Variants in EPHA5 observed in about 807,000 individuals in gnomAD.
EPHA5 encodes the protein ephrin type-A receptor 5.
In EPHA5, 60 loss-of-function variants were observed where a neutral mutation model predicts 105.0. The observed-to-expected ratio is 0.57, with a 90% CI of 0.46 to 0.71. The LOEUF is 0.71. Ranked by LOEUF, EPHA5 falls within the 30% of genes least tolerant of loss-of-function variation. EPHA5 has a pLI of 0.00. For missense variants in EPHA5, 1,218 were observed against 1,274.7 expected (o/e 0.96, Z 0.68); for synonymous variants, 513 against 449.1 (o/e 1.14, Z -1.80).
chr4:65,476,346 C>T (rs528031122), intron 5 of EPHA5, among the ~76,000 whole-genome samples: 1 of 150,974 alleles, frequency 6.6e-6, no homozygotes, highest in African/African-American at 2.4e-5. Context: ...GGTTCAGTCA[C>T]TTTCAATGGA....
intron 8 of EPHA5, among the ~76,000 whole-genome samples, chr4:65,397,019 T>G (rs540213856): frequency 1.2e-3 from 176 of 152,308 alleles, no homozygotes; most frequent in African/African-American, 4.0e-3. Flanking sequence ...ACCTGTTAAC[T>G]GCTACAAATG....
chr4:65,325,664 C>T lies in EPHA5; in HGVS notation c.2946-1445G>A, dbSNP rs149738927. The stretch of plus-strand genomic sequence containing the variant: ...AGTAAAATTAGCTTTGAAACAAAAT[C>T]ATTATTATTAATAATGGAATAGACT... On this transcript the variant is annotated intron_variant, in intron 16 of 16. Coordinates refer to ENST00000613740, the MANE Select transcript of EPHA5 (RefSeq NM_001281766.3). Among the ~76,000 whole-genome samples, 27 of 151,324 alleles carry T rather than the reference C, an allele frequency of 1.8e-4. No individual in the cohort carries two copies. In the East Asian group the frequency reaches 5.3e-3, roughly 30 times the overall value.
At chr4:65,562,983 A>G (rs767839394) in intron 3 of EPHA5, among the ~76,000 whole-genome samples, 1 of 151,970 alleles carries the variant, frequency 6.6e-6, no homozygotes, top group Non-Finnish European at 1.5e-5. Context: ...TCTCTTAAAT[A>G]AATAAATAAA....
At chr4:65,665,100 T>G (rs1436479797) in intron 1 of EPHA5, among the ~76,000 whole-genome samples, 1 of 151,946 alleles carries the variant, frequency 6.6e-6, no homozygotes, top group Non-Finnish European at 1.5e-5. Context: ...CTTTGAAGTA[T>G]GAACACGATA....
intron 8 of EPHA5, among the ~76,000 whole-genome samples, chr4:65,384,889 A>T (rs1445776156): frequency 6.6e-6 from 1 of 151,406 alleles, no homozygotes; most frequent in Non-Finnish European, 1.5e-5. Flanking sequence ...AACATCAATT[A>T]CCTCCATTTC....
intron 8 of EPHA5, among the ~76,000 whole-genome samples, chr4:65,393,550 A>G (rs1177519298): frequency 6.6e-6 from 1 of 152,166 alleles, no homozygotes; most frequent in Non-Finnish European, 1.5e-5. Flanking sequence ...ACTTTTCAAT[A>G]TCACAGTGTC....
At chr4:65,363,375 T>C (rs2148883998) in intron 11 of EPHA5, among the ~76,000 whole-genome samples, 2 of 151,704 alleles carry the variant, frequency 1.3e-5, no homozygotes, top group Non-Finnish European at 3.0e-5. Flanking sequence ...CAAAACCACA[T>C]AATTGTTTAT....
At chr4:65,607,460 C>CA (rs199499494) in intron 2 of EPHA5, among the ~76,000 whole-genome samples, 5,631 of 142,442 alleles carry the variant, frequency 0.04, 174 homozygotes, top group Middle Eastern at 0.1. Context: ...ATCTACCCCC[C>CA]AAAAAATACA....
At position 65,324,204 on chromosome 4, in the gene EPHA5, A is replaced by T. The variant is rs1294609295; in HGVS notation, c.2961T>A (p.Leu987=). ...AQVTLEDLRR[L]GVTLVGHQKK... ...TCTGGTGACCGACAAGAGTCACTCC[A>T]AGCCGTCTCAAATCCCTGCATGAAG... Residue 987 remains leucine, a synonymous_variant, in exon 17 of 17, where the codon CTT becomes CTA. Coordinates refer to ENST00000613740, the MANE Select transcript of EPHA5 (RefSeq NM_001281766.3). 1.2e-6 allele frequency: 2 copies of T among 1,608,872 alleles called. No homozygotes were observed. The highest frequency in any genetic ancestry group is 1.7e-6 in the Non-Finnish European group (2 of 1,176,576).
rs143872921 is a variant in EPHA5, at chr4:65,627,420, G to C, written c.246+15943C>G. On this transcript the variant is annotated intron_variant, in intron 2 of 16. Coordinates refer to ENST00000613740, the MANE Select transcript of EPHA5 (RefSeq NM_001281766.3). ...ACTTGATATTTTCTAGACTCAACTT[G>C]AGTATAGAACCCTTTTGGCTTAACA... Among the ~76,000 whole-genome samples, 107 of 152,234 alleles carry C rather than the reference G, an allele frequency of 7.0e-4. No homozygotes were observed. The East Asian group carries it at 0.018, about 25-fold the overall frequency.
In EPHA5 at chr4:65,462,567, T is replaced by TG. The variant is rs369105629; in HGVS notation, c.1402+27809dup. Among the ~76,000 whole-genome samples, 151 of 152,230 alleles carry TG rather than the reference T, an allele frequency of 9.9e-4. 3 individuals carry two copies. Among genetic ancestry groups the TG allele is most frequent in the African/African-American group, 3.4e-3 (141 of 41,550 alleles). On this transcript the variant is annotated intron_variant, in intron 5 of 16. Coordinates refer to ENST00000613740, the MANE Select transcript of EPHA5 (RefSeq NM_001281766.3). ...CTCCTTCAGGAGTCTGGGGCTTCAGTGGGGGAGGCTAGAGTGACCAGATGA... is the reference window on the plus strand; with the variant it reads ...CTCCTTCAGGAGTCTGGGGCTTCAGTGGGGGGAGGCTAGAGTGACCAGATGA...
chr4:65,612,385 A>G (rs192166810), intron 2 of EPHA5, among the ~76,000 whole-genome samples: 1 of 152,272 alleles, frequency 6.6e-6, no homozygotes. Context: ...ATCCGTGAGT[A>G]CACATTATTT....
intron 3 of EPHA5, among the ~76,000 whole-genome samples, chr4:65,590,292 T>A (rs1420240405): frequency 6.6e-6 from 1 of 152,122 alleles, no homozygotes; most frequent in Non-Finnish European, 1.5e-5. Flanking sequence ...TTCTTACAGA[T>A]GAAACACTGC....
intron 5 of EPHA5, among the ~76,000 whole-genome samples, chr4:65,449,690 C>T (rs1056754442): frequency 6.6e-6 from 1 of 152,102 alleles, no homozygotes; most frequent in Non-Finnish European, 1.5e-5. Context: ...AAAATAGGGG[C>T]TTTGCAGGAC....
At chr4:65,602,663 T>A (rs4860188) in intron 2 of EPHA5, among the ~76,000 whole-genome samples, 1 of 151,878 alleles carries the variant, frequency 6.6e-6, no homozygotes, top group Non-Finnish European at 1.5e-5. Flanking sequence ...AAGAAAAATA[T>A]GTATATTTTG....
intron 12 of EPHA5, among the ~76,000 whole-genome samples, chr4:65,351,974 T>C (rs894330240): frequency 2.0e-5 from 3 of 151,986 alleles, no homozygotes; most frequent in African/African-American, 7.2e-5. Flanking sequence ...GATAGACATA[T>C]TAAGGTAAAG....
intron 2 of EPHA5, among the ~76,000 whole-genome samples, chr4:65,605,095 T>C (rs4404602): frequency 0.24 from 37,210 of 152,020 alleles, 5,251 homozygotes; most frequent in East Asian, 0.56. Context: ...TATTGCCCAT[T>C]CTTTCCCGTT....
intron 8 of EPHA5, chr4:65,377,077 A>G (rs768433570): frequency 2.2e-5 from 35 of 1,605,974 alleles, no homozygotes; most frequent in Non-Finnish European, 3.0e-5. Flanking sequence ...AAAAGCAAAC[A>G]AGAGAGCCCA....
intron 3 of EPHA5, among the ~76,000 whole-genome samples, chr4:65,540,206 A>G (rs1736682811): frequency 6.6e-6 from 1 of 151,626 alleles, no homozygotes; most frequent in African/African-American, 2.4e-5. Context: ...ACCAAAGGAA[A>G]TATTCCTAAA....
Sources: gnomAD v4.1 joint callset for allele counts (sites outside exome capture counted in the v4.1 genomes callset) on GRCh38, gnomAD v4.1.1 for gene constraint, MANE v1.5 for transcripts, NCBI Gene and HGNC (gene_info 2026-07-23, HGNC 2026-07-21) for gene names.